Variants in TRAK1 observed in about 807,000 individuals in gnomAD.
TRAK1 encodes the protein trafficking kinesin-binding protein 1.
TRAK1 carries 33 observed loss-of-function variants against 92.1 expected under a neutral mutation model. That is an observed-to-expected ratio of 0.36 (90% CI 0.27 to 0.48). The LOEUF is 0.48. TRAK1 is among the 20% of genes least tolerant of loss of function. The pLI, the probability that TRAK1 is intolerant of heterozygous loss-of-function variation, is 0.99. For synonymous variants in TRAK1, 521 were observed against 517.3 expected, an observed-to-expected ratio of 1.01 and a Z score of -0.10; for missense variants, 1,123 against 1,257.9, an observed-to-expected ratio of 0.89 and a Z score of 1.62.
At chr3:42,123,525 A>C (rs1710175780) in intron 1 of TRAK1, among the ~76,000 whole-genome samples, 1 of 152,260 alleles carries the variant, frequency 6.6e-6, no homozygotes, top group Non-Finnish European at 1.5e-5. Flanking sequence ...TGACTGCACC[A>C]GTCATTTCCT....
intron 1 of TRAK1, among the ~76,000 whole-genome samples, chr3:42,025,977 T>C (rs773651239): frequency 3.3e-5 from 5 of 152,154 alleles, no homozygotes; most frequent in Non-Finnish European, 7.3e-5. Context: ...TTTTCTTTCT[T>C]CCTCTGTCTC....
At chr3:42,187,907 A>G (rs373231903) in intron 4 of TRAK1, 138 bp from the exon 5 acceptor site, 5 of 726,226 alleles carry the variant, frequency 6.9e-6, no homozygotes, top group East Asian at 5.0e-5. Flanking sequence ...ATAGCACAAA[A>G]TCAGTTTAAA....
intron 10 of TRAK1, among the ~76,000 whole-genome samples, chr3:42,197,060 C>G (rs1706819429): frequency 6.7e-6 from 1 of 150,044 alleles, no homozygotes; most frequent in Non-Finnish European, 1.5e-5. Flanking sequence ...TGATACATAT[C>G]TGCCTTCTTT....
Position 42,188,030 on chromosome 3 carries a change from G to A in TRAK1, c.481-15G>A. 2 of 1,612,602 alleles carry A rather than the reference G, an allele frequency of 1.2e-6. No homozygotes were observed. The highest frequency in any genetic ancestry group is 1.7e-6 in the Non-Finnish European group (2 of 1,179,082). Reference sequence around the variant, plus strand: ...CTTTTGGGAAGCAAATGATGGGCCTGCTCTGCTTGTGCAGGTGTCTCAGCT... The same window carrying A: ...CTTTTGGGAAGCAAATGATGGGCCTACTCTGCTTGTGCAGGTGTCTCAGCT... On this transcript the variant is annotated splice_polypyrimidine_tract_variant and intron_variant, in intron 4 of 15. Coordinates refer to ENST00000327628, the MANE Select transcript of TRAK1 (RefSeq NM_001042646.3).
chr3:42,209,318 C>CATAA (rs139646061), intron 13 of TRAK1, among the ~76,000 whole-genome samples: 10,502 of 152,158 alleles, frequency 0.069, 376 homozygotes, highest in Non-Finnish European at 0.079. Context: ...TCTGCCTGAG[C>CATAA]TTATGTCTTC....
At chr3:42,014,116 G>T (rs1293545504) in exon 1 of TRAK1, 1 of 152,176 alleles carries the variant, frequency 6.6e-6, no homozygotes, top group African/African-American at 2.4e-5. Context: ...CACCTCTTGC[G>T]GGTAAGCCAG....
chr3:42,154,254 T>C (rs1357563067), intron 2 of TRAK1, among the ~76,000 whole-genome samples: 1 of 150,926 alleles, frequency 6.6e-6, no homozygotes, highest in Non-Finnish European at 1.5e-5. Flanking sequence ...CTCACTGCAA[T>C]GTCTGCCTCC....
intron 10 of TRAK1, among the ~76,000 whole-genome samples, chr3:42,198,866 C>T (rs1348550603): frequency 1.3e-5 from 2 of 152,056 alleles, no homozygotes; most frequent in Non-Finnish European, 2.9e-5. Flanking sequence ...CATCCCATCT[C>T]GTAGCCATGG....
At chr3:42,162,487 C>T (rs539638797) in intron 2 of TRAK1, among the ~76,000 whole-genome samples, 42 of 152,088 alleles carry the variant, frequency 2.8e-4, no homozygotes, top group African/African-American at 9.6e-4. Context: ...CTGAAGTAGA[C>T]GGCTTGAGAC....
At chr3:42,210,368 T>A in intron 14 of TRAK1, 2 of 1,278,720 alleles carry the variant, frequency 1.6e-6, no homozygotes, top group Non-Finnish European at 2.0e-6. Flanking sequence ...GCATGGCCCA[T>A]CAGGGATCTT....
intron 1 of TRAK1, among the ~76,000 whole-genome samples, chr3:42,024,870 C>A (rs1365704892): frequency 6.6e-6 from 1 of 152,208 alleles, no homozygotes; most frequent in South Asian, 2.1e-4. Context: ...ATGTGTTGCC[C>A]TGGACTGAGA....
At chr3:42,098,063 A>C (rs1706199947) in intron 1 of TRAK1, among the ~76,000 whole-genome samples, 2 of 147,962 alleles carry the variant, frequency 1.4e-5, no homozygotes, top group South Asian at 2.2e-4. Flanking sequence ...ATCTCTCCTT[A>C]CCCACTTTCT....
chr3:42,119,734 G>A (rs1709603159), intron 1 of TRAK1, among the ~76,000 whole-genome samples: 1 of 152,150 alleles, frequency 6.6e-6, no homozygotes, highest in African/African-American at 2.4e-5. Context: ...CAGGCATGTG[G>A]ATACACCTTA....
intron 1 of TRAK1, among the ~76,000 whole-genome samples, chr3:42,102,519 T>G (rs890390696): frequency 6.6e-6 from 1 of 152,174 alleles, no homozygotes; most frequent in Non-Finnish European, 1.5e-5. Flanking sequence ...AAGGTCAAGG[T>G]TCTTGTCTCA....
In TRAK1 at chr3:42,200,843, G is replaced by T; in HGVS notation, c.1216G>T (p.Val406Leu). 1 of 1,614,180 alleles carries T rather than the reference G, an allele frequency of 6.2e-7. No homozygotes were observed. Among genetic ancestry groups the T allele is most frequent in the South Asian group, 1.1e-5 (1 of 91,078 alleles). Reference sequence around the variant, plus strand: ...TCACCAGAAGCGTGTCTTTGAGACAGTAAGAAACATCAACCAGGTTGTCAA... The same window carrying T: ...TCACCAGAAGCGTGTCTTTGAGACATTAAGAAACATCAACCAGGTTGTCAA... ...ITHQKRVFET[V>L]RNINQVVKQR... Residue 406 changes from valine to leucine, a missense_variant, in exon 12 of 16, where the codon GTA becomes TTA. By Grantham distance (32) the Val-to-Leu change is conservative. Transcript: ENST00000327628.
chr3:42,133,403 C>T (rs887827919), intron 2 of TRAK1, among the ~76,000 whole-genome samples: 10 of 152,106 alleles, frequency 6.6e-5, no homozygotes, highest in East Asian at 3.9e-4. Context: ...TATTATTTCT[C>T]GAGACTGGGT....
intron 2 of TRAK1, among the ~76,000 whole-genome samples, chr3:42,148,559 C>T (rs1019370310): frequency 2.0e-5 from 3 of 152,162 alleles, no homozygotes; most frequent in Admixed American, 6.5e-5. Flanking sequence ...CCAGAGGCAA[C>T]TAACTTCCTG....
chr3:42,193,030 G>T (rs746802095), intron 7 of TRAK1, 45 bp from the exon 8 acceptor site: 1 of 1,608,408 alleles, frequency 6.2e-7, no homozygotes, highest in Admixed American at 1.7e-5. Flanking sequence ...GTCTGCATGT[G>T]TGGTTTTCTG....
At chr3:42,140,831 G>T (rs954946075) in intron 2 of TRAK1, among the ~76,000 whole-genome samples, 6 of 152,192 alleles carry the variant, frequency 3.9e-5, no homozygotes, top group African/African-American at 1.4e-4. Context: ...GGCTGGCCCG[G>T]CATACAGGTG....
Sources: allele counts gnomAD v4.1 joint callset (sites outside exome capture counted in the v4.1 genomes callset), GRCh38; gene constraint gnomAD v4.1.1; transcripts MANE v1.5; gene names NCBI Gene and HGNC (gene_info 2026-07-23, HGNC 2026-07-21).